Variants in SS18 observed in about 807,000 individuals in gnomAD.
The protein encoded by SS18 is SS18 subunit of BAF chromatin remodeling complex.
SS18 carries 28 observed loss-of-function variants against 72.5 expected under a neutral mutation model. The observed-to-expected ratio is 0.39, with a 90% CI of 0.29 to 0.53. SS18 has a LOEUF of 0.53. Ranked by LOEUF, SS18 falls within the 20% of genes least tolerant of loss-of-function variation. The probability of loss-of-function intolerance (pLI) is 0.76; values close to 1 mark genes in which losing one functional copy is unlikely to be tolerated. For synonymous variants in SS18, 172 were observed against 164.2 expected, an observed-to-expected ratio of 1.05 and a Z score of -0.37; for missense variants, 518 against 535.3, an observed-to-expected ratio of 0.97 and a Z score of 0.32.
chr18:26,070,324 T>C (rs1424927899), intron 3 of SS18, among the ~76,000 whole-genome samples: 3 of 152,206 alleles, frequency 2.0e-5, no homozygotes, highest in East Asian at 3.8e-4. Context: ...ACATTTTGAA[T>C]TGTCAGCTTT....
chr18:26,055,766 G>GC (rs772761408), intron 4 of SS18, among the ~76,000 whole-genome samples: 3 of 117,278 alleles, frequency 2.6e-5, no homozygotes, highest in Non-Finnish European at 5.7e-5. Flanking sequence ...TTTTTTTTTT[G>GC]TTTTTTTTTT....
At chr18:26,061,181 C>T (rs1010612210) in intron 3 of SS18, among the ~76,000 whole-genome samples, 12 of 152,158 alleles carry the variant, frequency 7.9e-5, no homozygotes, top group African/African-American at 2.7e-4. Flanking sequence ...GACATGGTGG[C>T]GTGCACCTGT....
At chr18:26,088,155 C>T (rs1890402883) in intron 1 of SS18, among the ~76,000 whole-genome samples, 1 of 152,132 alleles carries the variant, frequency 6.6e-6, no homozygotes, top group Non-Finnish European at 1.5e-5. Context: ...TCTGAATAAA[C>T]AAGCCCAGAA....
rs923859759 is a variant in SS18, at chr18:26,035,500, A to G, written c.973+331T>C. ...CAGCAAGCTGTTTCCTAAAGGCACT[A>G]TACTTATATGTAAAATTATACATAT... On this transcript the variant is annotated intron_variant, in intron 8 of 10. Coordinates refer to ENST00000415083, the MANE Select transcript of SS18 (RefSeq NM_001007559.3). The surrounding 1 kb of genome is among the most constrained non-coding windows in gnomAD (Gnocchi z 4.4). The G allele has an allele frequency of 1.0e-5, 3 of 288,256 alleles. No individual in the cohort carries two copies. The highest frequency in any genetic ancestry group is 1.9e-5 in the Non-Finnish European group (3 of 154,140). 17.9% of individuals were successfully genotyped at this position (288,256 alleles called of 1,614,324 possible).
intron 2 of SS18, chr18:26,080,244 T>A (rs1195210844): frequency 1.8e-6 from 1 of 555,162 alleles, no homozygotes; most frequent in Non-Finnish European, 2.3e-6. Context: ...TAAAATATAG[T>A]GTTCCATATC....
chr18:26,046,906 T>G (rs1383859738), intron 5 of SS18, among the ~76,000 whole-genome samples: 3 of 152,162 alleles, frequency 2.0e-5, no homozygotes, highest in African/African-American at 7.2e-5. Flanking sequence ...ATGTAGTGAT[T>G]TGTAGACTGA....
intron 9 of SS18, among the ~76,000 whole-genome samples, chr18:26,034,781 A>G (rs1235093553): frequency 6.6e-6 from 1 of 152,158 alleles, no homozygotes; most frequent in Non-Finnish European, 1.5e-5. Context: ...GACTCCACAC[A>G]TTACCTTTGG....
intron 5 of SS18, among the ~76,000 whole-genome samples, chr18:26,049,726 G>T (rs1263898650): frequency 6.6e-6 from 1 of 152,086 alleles, no homozygotes; most frequent in Non-Finnish European, 1.5e-5. Context: ...ATCTTGCCCA[G>T]GCTGGTCTTC....
chr18:26,090,360 T>A, intron 1 of SS18, 141 bp downstream of exon 1: 1 of 792,912 alleles, frequency 1.3e-6, no homozygotes, highest in Non-Finnish European at 2.1e-6. Context: ...CAGCCAGCAG[T>A]CCGTGTTCCC....
chr18:26,032,161 A>G (rs1216206243), intron 10 of SS18, among the ~76,000 whole-genome samples: 1 of 152,126 alleles, frequency 6.6e-6, no homozygotes, highest in Non-Finnish European at 1.5e-5. Flanking sequence ...GAGACAGAAT[A>G]TATATGTTGT....
At chr18:26,051,155 C>G (rs1003098307) in intron 5 of SS18, among the ~76,000 whole-genome samples, 1 of 151,708 alleles carries the variant, frequency 6.6e-6, no homozygotes, top group Non-Finnish European at 1.5e-5. Flanking sequence ...GGGCAACATA[C>G]CAAGACATTG....
chr18:26,044,482 T>C (rs1231684666), intron 5 of SS18, among the ~76,000 whole-genome samples: 1 of 151,356 alleles, frequency 6.6e-6, no homozygotes, highest in Admixed American at 6.6e-5. Context: ...CACCACCACG[T>C]CCGGCTAATT....
At chr18:26,087,369 A>G (rs571804153) in intron 2 of SS18, 132 bp downstream of exon 2, 2 of 598,468 alleles carry the variant, frequency 3.3e-6, no homozygotes, top group South Asian at 2.0e-5. Context: ...ACTAAAAAAC[A>G]TTGAATTGTA....
At chr18:26,070,393 A>G (rs1014932293) in intron 3 of SS18, among the ~76,000 whole-genome samples, 1 of 152,192 alleles carries the variant, frequency 6.6e-6, no homozygotes, top group Non-Finnish European at 1.5e-5. Context: ...CTGCATGTAT[A>G]TATGTCTGCT....
At chr18:26,042,880 T>C (rs977202015) in intron 5 of SS18, among the ~76,000 whole-genome samples, 2 of 152,116 alleles carry the variant, frequency 1.3e-5, no homozygotes, top group African/African-American at 4.8e-5. Context: ...AAATATTCTA[T>C]ATATATAGAA....
chr18:26,072,187 G>T (rs1294463045), intron 3 of SS18, among the ~76,000 whole-genome samples: 1 of 152,054 alleles, frequency 6.6e-6, no homozygotes, highest in Non-Finnish European at 1.5e-5. Context: ...ATGGTCCTTT[G>T]ATTGGGATGT....
intron 9 of SS18, among the ~76,000 whole-genome samples, chr18:26,032,983 A>G (rs1441361784): frequency 6.6e-6 from 1 of 152,232 alleles, no homozygotes; most frequent in Non-Finnish European, 1.5e-5. Flanking sequence ...CTCTAGATTT[A>G]TATTTGCAAT....
chr18:26,057,482 G>A, intron 4 of SS18, 107 bp downstream of exon 4: 2 of 1,279,554 alleles, frequency 1.6e-6, no homozygotes, highest in Non-Finnish European at 2.2e-6. Context: ...GTACTCGGGG[G>A]CATTCAAAGC....
intron 3 of SS18, among the ~76,000 whole-genome samples, chr18:26,062,471 G>GA (rs1277404688): frequency 1.3e-5 from 2 of 151,836 alleles, no homozygotes; most frequent in African/African-American, 2.4e-5. Flanking sequence ...AAATCAAATA[G>GA]AAAAAATTAT....
Sources: allele counts gnomAD v4.1 joint callset (sites outside exome capture counted in the v4.1 genomes callset), GRCh38; gene constraint gnomAD v4.1.1; non-coding constraint Gnocchi (gnomAD v3.1); transcripts MANE v1.5; gene names NCBI Gene and HGNC (gene_info 2026-07-23, HGNC 2026-07-21).